Variants in CNTNAP2 observed in about 807,000 individuals in gnomAD.
CNTNAP2 encodes the protein contactin-associated protein-like 2.
A neutral mutation model predicts 155.2 loss-of-function variants in CNTNAP2; 98 were observed. The observed-to-expected ratio is 0.63, with a 90% CI of 0.54 to 0.75. The LOEUF (loss-of-function observed/expected upper bound fraction) is 0.75, where lower values mean the gene tolerates loss of function less well. CNTNAP2 is among the 30% of genes least tolerant of loss of function. The pLI, the probability that CNTNAP2 is intolerant of heterozygous loss-of-function variation, is 0.00. For synonymous variants in CNTNAP2, 651 were observed against 631.2 expected, an observed-to-expected ratio of 1.03 and a Z score of -0.47; for missense variants, 1,727 against 1,688.1, an observed-to-expected ratio of 1.02 and a Z score of -0.40.
chr7:146,816,112 T>C (rs1337232367), intron 2 of CNTNAP2, among the ~76,000 whole-genome samples: 1 of 152,184 alleles, frequency 6.6e-6, no homozygotes, highest in East Asian at 1.9e-4. Flanking sequence ...TATGGCTGCA[T>C]AGTATTCCAT....
intron 19 of CNTNAP2, among the ~76,000 whole-genome samples, chr7:148,229,444 G>C (rs1209130818): frequency 6.6e-6 from 1 of 152,132 alleles, no homozygotes; most frequent in East Asian, 1.9e-4. Flanking sequence ...AGAATCGCTT[G>C]AACCTGGGAG....
At chr7:147,338,696 C>T (rs1441532495) in intron 9 of CNTNAP2, among the ~76,000 whole-genome samples, 2 of 151,890 alleles carry the variant, frequency 1.3e-5, no homozygotes, top group Admixed American at 6.6e-5. Flanking sequence ...TACTAATTAG[C>T]ATTTTAAATC....
intron 13 of CNTNAP2, among the ~76,000 whole-genome samples, chr7:147,855,510 G>A (rs866795624): frequency 1.5e-5 from 2 of 133,340 alleles, no homozygotes; most frequent in Non-Finnish European, 1.7e-5. Flanking sequence ...GTGTAGGCTC[G>A]GCATGGTGGC....
chr7:146,541,447 A>C (rs189656820), intron 1 of CNTNAP2, among the ~76,000 whole-genome samples: 46 of 152,140 alleles, frequency 3.0e-4, no homozygotes, highest in Non-Finnish European at 1.5e-4. Flanking sequence ...GAAGTCATTA[A>C]CATGACTCAA....
chr7:146,913,306 C>T lies in CNTNAP2; in HGVS notation c.402+73402C>T, dbSNP rs1184993862. Among the ~76,000 whole-genome samples the T allele has an allele frequency of 5.3e-5, 8 of 152,118 alleles. No individual in the cohort carries two copies. In the South Asian group the frequency reaches 1.7e-3, roughly 32 times the overall value. ...GATGAGGCTGCAACATTGGTGCCTT[C>T]TTCATTCAGAGAAGGCACTGGAATG... is the stretch of plus-strand genomic sequence containing the variant. On this transcript the variant is annotated intron_variant, in intron 3 of 23. Coordinates refer to ENST00000361727, the MANE Select transcript of CNTNAP2 (RefSeq NM_014141.6).
intron 1 of CNTNAP2, among the ~76,000 whole-genome samples, chr7:146,641,184 A>G (rs943470331): frequency 4.6e-5 from 7 of 152,158 alleles, no homozygotes; most frequent in Non-Finnish European, 8.8e-5. Flanking sequence ...AAAATTAGCC[A>G]GGCATGGTGG....
intron 1 of CNTNAP2, among the ~76,000 whole-genome samples, chr7:146,124,234 A>C (rs1243294109): frequency 6.6e-6 from 1 of 152,090 alleles, no homozygotes; most frequent in African/African-American, 2.4e-5. Context: ...GTATCCCAGA[A>C]CTTAAAGTAA....
intron 3 of CNTNAP2, among the ~76,000 whole-genome samples, chr7:146,949,921 A>G (rs1428052446): frequency 1.3e-5 from 2 of 152,142 alleles, no homozygotes; most frequent in African/African-American, 2.4e-5. Flanking sequence ...GATTCTTGCT[A>G]ATCACTTGAG....
intron 2 of CNTNAP2, among the ~76,000 whole-genome samples, chr7:146,811,509 ACTTTGTTAGTCTTTTTTT>A (rs1453664799): frequency 6.6e-6 from 1 of 151,760 alleles, no homozygotes; most frequent in Non-Finnish European, 1.5e-5. Context: ...AATTTTATTT[ACTTTGTTAGTCTTTTTTT>A]CTTTGTTAGT....
intron 13 of CNTNAP2, among the ~76,000 whole-genome samples, chr7:147,691,343 T>C (rs929039933): frequency 2.6e-5 from 4 of 152,164 alleles, no homozygotes; most frequent in African/African-American, 9.7e-5. Flanking sequence ...CAAACCCTGA[T>C]TTGCAGCATT....
intron 13 of CNTNAP2, among the ~76,000 whole-genome samples, chr7:147,671,103 G>C (rs1795779999): frequency 6.6e-6 from 1 of 152,202 alleles, no homozygotes; most frequent in Admixed American, 6.5e-5. Flanking sequence ...GAGCACAGCG[G>C]ATCCGAGTGA....
chr7:147,338,436 T>G (rs74678835), intron 9 of CNTNAP2, among the ~76,000 whole-genome samples: 54 of 152,294 alleles, frequency 3.5e-4, no homozygotes, highest in African/African-American at 1.2e-3. Context: ...ACTGATTTTT[T>G]TAAACCAAAT....
At chr7:147,378,088 A>G (rs926223117) in intron 9 of CNTNAP2, 19 of 462,100 alleles carry the variant, frequency 4.1e-5, no homozygotes, top group Admixed American at 2.1e-4. Context: ...AAAAACCACT[A>G]TTACTTTTGC....
chr7:147,821,279 G>A (rs1468514656), intron 13 of CNTNAP2, among the ~76,000 whole-genome samples: 6 of 152,046 alleles, frequency 3.9e-5, no homozygotes, highest in Non-Finnish European at 8.8e-5. Context: ...AACATTGAGT[G>A]GGCAATTCAT....
intron 13 of CNTNAP2, among the ~76,000 whole-genome samples, chr7:147,748,531 A>G (rs997619607): frequency 6.6e-6 from 1 of 152,214 alleles, no homozygotes; most frequent in African/African-American, 2.4e-5. Context: ...AGAAGTCTTT[A>G]GACTGGCACT....
chr7:147,389,826 A>C (rs1796679017), intron 9 of CNTNAP2, among the ~76,000 whole-genome samples: 1 of 152,240 alleles, frequency 6.6e-6, no homozygotes, highest in Admixed American at 6.5e-5. Flanking sequence ...TTCCAAATTC[A>C]TAGAAATTCA....
chr7:147,085,482 G>A (rs751576643), intron 4 of CNTNAP2, among the ~76,000 whole-genome samples: 11 of 152,136 alleles, frequency 7.2e-5, no homozygotes, highest in Non-Finnish European at 1.5e-4. Flanking sequence ...AGTGCCTGAT[G>A]ATCTGAAGTG....
intron 21 of CNTNAP2, among the ~76,000 whole-genome samples, chr7:148,315,529 C>T (rs561153488): frequency 6.6e-6 from 1 of 152,162 alleles, no homozygotes; most frequent in South Asian, 2.1e-4. Context: ...AGTGGAATGT[C>T]ATGAGTTAAG....
intron 3 of CNTNAP2, among the ~76,000 whole-genome samples, chr7:146,901,809 CT>C (rs1796007761): frequency 6.7e-6 from 1 of 148,746 alleles, no homozygotes; most frequent in Admixed American, 6.7e-5. Context: ...CTAATGTGAA[CT>C]TTGAAGGAGT....
Sources: allele counts gnomAD v4.1 joint callset (sites outside exome capture counted in the v4.1 genomes callset), GRCh38; gene constraint gnomAD v4.1.1; transcripts MANE v1.5; gene names NCBI Gene and HGNC (gene_info 2026-07-23, HGNC 2026-07-21).